The following STXBP5L variants were observed in gnomAD, a reference collection of about 807,000 sequenced individuals.
The protein encoded by STXBP5L is syntaxin binding protein 5L, also known as syntaxin-binding protein 5-like.
Under a neutral mutation model 144.5 loss-of-function variants are expected in STXBP5L, and 65 were observed. The ratio of observed to expected loss-of-function variants is 0.45; its 90% CI spans 0.37 to 0.55. STXBP5L has a LOEUF of 0.55. Ranked by LOEUF, STXBP5L falls within the 20% of genes least tolerant of loss-of-function variation. The pLI is 0.00. For missense variants in STXBP5L, 1,298 were observed against 1,405.5 expected, an observed-to-expected ratio of 0.92 and a Z score of 1.22; for synonymous variants, 505 against 469.6, an observed-to-expected ratio of 1.08 and a Z score of -0.97.
intron 3 of STXBP5L, among the ~76,000 whole-genome samples, chr3:120,963,526 T>C (rs878871568): frequency 6.6e-5 from 10 of 152,252 alleles, no homozygotes; most frequent in African/African-American, 2.4e-4. Context: ...TCTATTGAGA[T>C]AATCATGTGG....
chr3:121,041,912 A>T, intron 4 of STXBP5L, 131 bp downstream of exon 4: 2 of 604,622 alleles, frequency 3.3e-6, no homozygotes, highest in South Asian at 2.4e-5. Flanking sequence ...TTCTGATTAT[A>T]TTTTTCACAA....
chr3:121,317,940 A>T lies in STXBP5L; in HGVS notation c.2111-535A>T, dbSNP rs114240662. ...AAAGATCTTTTAAAAGCCAATAATC[A>T]TATCTCCTGAGAGGATATTTGATTA... On this transcript the variant is annotated intron_variant, in intron 19 of 26. Coordinates refer to ENST00000471454, the MANE Select transcript of STXBP5L (RefSeq NM_001308330.2). Among the ~76,000 whole-genome samples the T allele has an allele frequency of 4.2e-3, 632 of 152,214 alleles. 4 individuals are homozygous for T. The highest frequency in any genetic ancestry group is 0.015 in the African/African-American group (609 of 41,570).
chr3:121,060,959 G>A (rs574092597), intron 5 of STXBP5L, among the ~76,000 whole-genome samples: 5 of 152,104 alleles, frequency 3.3e-5, no homozygotes, highest in Admixed American at 2.6e-4. Flanking sequence ...GGGTTTTCCT[G>A]TCTCTATCTC....
intron 2 of STXBP5L, among the ~76,000 whole-genome samples, chr3:120,910,091 A>G (rs1393793714): frequency 6.6e-6 from 1 of 152,184 alleles, no homozygotes; most frequent in Admixed American, 6.5e-5. Context: ...TTTTTGTGTT[A>G]TCAGAGAAAA....
At position 121,357,446 on chromosome 3, in the gene STXBP5L, G is replaced by C. The variant is rs1218521140; in HGVS notation, c.2177-21270G>C. 1.3e-5 allele frequency: 2 copies of C among 152,958 alleles called. 1 individual carries two copies. The highest frequency in any genetic ancestry group is 2.9e-5 in the Non-Finnish European group (2 of 68,202). 9.5% of individuals were successfully genotyped at this position (152,958 alleles called of 1,614,324 possible). On this transcript the variant is annotated intron_variant, in intron 20 of 26. Transcript: ENST00000471454. ...GTTCATGTGACTTCAAATGAAGAGT[G>C]TTTCTGCATACATTAATGTTTGAAA... is the stretch of plus-strand genomic sequence containing the variant.
At chr3:121,241,432 ACAC>A (rs144317807) in intron 14 of STXBP5L, among the ~76,000 whole-genome samples, 28,279 of 151,464 alleles carry the variant, frequency 0.19, 3,065 homozygotes, top group East Asian at 0.54. Context: ...TCTCCCACAC[ACAC>A]AAGTGTGGCC....
chr3:121,314,478 G>C (rs1415508389), intron 19 of STXBP5L, among the ~76,000 whole-genome samples: 1 of 144,470 alleles, frequency 6.9e-6, no homozygotes, highest in South Asian at 2.3e-4. Context: ...GCCTGCAATC[G>C]CAGGCACTCG....
chr3:121,296,299 A>T (rs912630913), intron 19 of STXBP5L, among the ~76,000 whole-genome samples: 2 of 152,206 alleles, frequency 1.3e-5, no homozygotes, highest in Non-Finnish European at 2.9e-5. Context: ...CTTTAGTAGA[A>T]TACCTACTAA....
At chr3:121,237,298 C>T (rs1046386454) in intron 12 of STXBP5L, among the ~76,000 whole-genome samples, 2 of 152,144 alleles carry the variant, frequency 1.3e-5, no homozygotes, top group African/African-American at 4.8e-5. Flanking sequence ...TGGCTTGTGC[C>T]CTCTGGAGCA....
At chr3:121,006,037 G>T (rs1287802924) in intron 3 of STXBP5L, among the ~76,000 whole-genome samples, 2 of 152,154 alleles carry the variant, frequency 1.3e-5, no homozygotes, top group African/African-American at 4.8e-5. Context: ...TGATGATTTG[G>T]GGTGGAGAGT....
At chr3:121,082,335 A>G (rs1035597772) in intron 5 of STXBP5L, among the ~76,000 whole-genome samples, 1 of 152,000 alleles carries the variant, frequency 6.6e-6, no homozygotes, top group African/African-American at 2.4e-5. Flanking sequence ...ATGTCATGTT[A>G]GATCTATACC....
chr3:121,008,609 A>G (rs776264878), intron 3 of STXBP5L, among the ~76,000 whole-genome samples: 8 of 152,046 alleles, frequency 5.3e-5, no homozygotes, highest in Non-Finnish European at 1.0e-4. Context: ...ACTATATAGT[A>G]TCATGTTTAA....
At chr3:121,123,981 T>C (rs2044592874) in intron 7 of STXBP5L, among the ~76,000 whole-genome samples, 2 of 151,810 alleles carry the variant, frequency 1.3e-5, no homozygotes, top group Non-Finnish European at 3.0e-5. Flanking sequence ...TTTCTATTGG[T>C]TTTAAGACCT....
intron 3 of STXBP5L, among the ~76,000 whole-genome samples, chr3:120,970,218 GCTTA>G (rs1344943370): frequency 1.3e-5 from 2 of 151,894 alleles, no homozygotes; most frequent in Non-Finnish European, 2.9e-5. Flanking sequence ...GATGTAAATG[GCTTA>G]CTTATTCAAA....
intron 7 of STXBP5L, among the ~76,000 whole-genome samples, chr3:121,136,096 G>A (rs577350049): frequency 6.6e-6 from 1 of 152,204 alleles, no homozygotes; most frequent in African/African-American, 2.4e-5. Context: ...GCATGCCCTG[G>A]TGCCATTCTC....
intron 10 of STXBP5L, among the ~76,000 whole-genome samples, chr3:121,219,418 G>A (rs1577241684): frequency 6.6e-6 from 1 of 152,162 alleles, no homozygotes; most frequent in Non-Finnish European, 1.5e-5. Context: ...GACTGCATAG[G>A]TAGCACATGT....
At chr3:121,081,539 T>C (rs1028545586) in intron 5 of STXBP5L, among the ~76,000 whole-genome samples, 2 of 152,244 alleles carry the variant, frequency 1.3e-5, no homozygotes, top group Non-Finnish European at 2.9e-5. Context: ...ACTTGGTATA[T>C]GGGCAAGTTT....
At chr3:121,054,940 A>C (rs1021995171) in intron 5 of STXBP5L, among the ~76,000 whole-genome samples, 1 of 152,098 alleles carries the variant, frequency 6.6e-6, no homozygotes, top group Non-Finnish European at 1.5e-5. Flanking sequence ...TGGAATGTTG[A>C]AGGCAATGTT....
At chr3:121,026,324 G>T (rs935819245) in intron 3 of STXBP5L, among the ~76,000 whole-genome samples, 3 of 151,984 alleles carry the variant, frequency 2.0e-5, no homozygotes, top group Non-Finnish European at 4.4e-5. Flanking sequence ...ATTCATGCCT[G>T]AGCTTTAAAG....
Sources: gnomAD v4.1 joint callset for allele counts (sites outside exome capture counted in the v4.1 genomes callset) on GRCh38, gnomAD v4.1.1 for gene constraint, MANE v1.5 for transcripts, NCBI Gene and HGNC (gene_info 2026-07-23, HGNC 2026-07-21) for gene names.